MED26: variants seen among roughly 807,000 people sequenced by gnomAD.
MED26 encodes mediator of RNA polymerase II transcription subunit 26.
In MED26, 7 loss-of-function variants were observed where a neutral mutation model predicts 43.7. The observed-to-expected ratio is 0.16, with a 90% CI of 0.09 to 0.30. The LOEUF is 0.30. Among genes scored for constraint, MED26 ranks in the 10% least tolerant of loss-of-function variants. The pLI is 1.00. For missense variants in MED26, 784 were observed against 840.6 expected, an observed-to-expected ratio of 0.93 and a Z score of 0.83; for synonymous variants, 375 against 371.1, an observed-to-expected ratio of 1.01 and a Z score of -0.12.
At chr19:16,585,882 G>A (rs2086068586) in intron 1 of MED26, among the ~76,000 whole-genome samples, 1 of 152,230 alleles carries the variant, frequency 6.6e-6, no homozygotes. Flanking sequence ...TCAGTGGAGT[G>A]GACCCGCTAC....
At chr19:16,591,651 T>C (rs1321658612) in intron 1 of MED26, among the ~76,000 whole-genome samples, 2 of 152,160 alleles carry the variant, frequency 1.3e-5, no homozygotes, top group Non-Finnish European at 2.9e-5. Context: ...AGGAACCAAC[T>C]TCCTACACTC....
Position 16,577,493 on chromosome 19 carries a change from G to C in MED26, c.337C>G (p.Pro113Ala). 6.3e-7 allele frequency: 1 copy of C among 1,591,796 alleles called. No individual in the cohort carries two copies. Among genetic ancestry groups the C allele is most frequent in the Admixed American group, 1.7e-5 (1 of 58,610 alleles). ...SANGGAHNCR[P>A]EVGAAGPPRS... ...GGTGGGCCAGCCGCCCCCACCTCCG[G>C]CCGGCAGTTGTGTGCGCCCCCGTTG... is the stretch of plus-strand genomic sequence containing the variant. The change falls in exon 3 of 3, where the codon CCG (proline) becomes GCG (alanine). Residue 113 changes from proline to alanine, a missense_variant. Around this residue, in one of 3 missense-constraint regions of MED26, gnomAD observed 719 missense variants for 730.9 expected, o/e 0.98. Transcript: ENST00000263390. The surrounding 1 kb of genome is among the most constrained non-coding windows in gnomAD (Gnocchi z 8.1).
intron 1 of MED26, among the ~76,000 whole-genome samples, chr19:16,591,537 T>G (rs1487377587): frequency 6.6e-6 from 1 of 152,090 alleles, no homozygotes; most frequent in East Asian, 1.9e-4. Context: ...TGAAATAAAA[T>G]GCCAAGCAGC....
Position 16,576,929 on chromosome 19 carries a change from AGGGGCTGGGCACGGAGCCCTT to A in MED26, c.880_900del (p.Lys294_Pro300del). ...GCATCGAGTGCCTGGGGCCGCGGTG[AGGGGCTGGGCACGGAGCCCTT>A]GGGTGCATACAAGCTCTGCTGCCGG... On this transcript the variant is annotated inframe_deletion, in exon 3 of 3. Transcript: ENST00000263390. The surrounding 1 kb of genome is among the most constrained non-coding windows in gnomAD (Gnocchi z 6.8). The A allele has an allele frequency of 5.0e-6, 8 of 1,596,256 alleles. No homozygotes were observed. The highest frequency in any genetic ancestry group is 6.0e-6 in the Non-Finnish European group (7 of 1,169,700).
In MED26 at chr19:16,576,476, C is replaced by G. The variant is rs753088690; in HGVS notation, c.1354G>C (p.Glu452Gln). ...PVRADSPVHM[E>Q]QQSRTELDKQ... Reference sequence around the variant, plus strand: ...TCCAGCTCTGTCCTGGACTGCTGCTCCATGTGCACAGGGCTGTCTGCCCGC... The same window carrying G: ...TCCAGCTCTGTCCTGGACTGCTGCTGCATGTGCACAGGGCTGTCTGCCCGC... Residue 452 changes from glutamate (E) to glutamine (Q), a missense_variant, in exon 3 of 3, where the codon GAG becomes CAG. Glu to Gln is a conservative substitution (Grantham distance 29). Coordinates refer to ENST00000263390, the MANE Select transcript of MED26 (RefSeq NM_004831.5). The surrounding 1 kb of genome is among the most constrained non-coding windows in gnomAD (Gnocchi z 6.8). 9.3e-6 allele frequency: 15 copies of G among 1,614,052 alleles called. No individual in the cohort carries two copies. Among genetic ancestry groups the G allele is most frequent in the African/African-American group, 1.3e-5 (1 of 74,926 alleles).
intron 1 of MED26, chr19:16,610,701 C>G (rs762237852): frequency 2.0e-5 from 3 of 152,208 alleles, no homozygotes; most frequent in Non-Finnish European, 2.9e-5. Flanking sequence ...CTTATAATTT[C>G]TATGGTAGAA....
intron 1 of MED26, among the ~76,000 whole-genome samples, chr19:16,602,236 A>T (rs919611579): frequency 6.6e-6 from 1 of 152,228 alleles, no homozygotes; most frequent in Admixed American, 6.5e-5. Flanking sequence ...TGCCGACTGG[A>T]ACACACAGCT....
chr19:16,613,102 AG>A (rs1419820274), intron 1 of MED26, among the ~76,000 whole-genome samples: 25 of 152,334 alleles, frequency 1.6e-4, no homozygotes, highest in African/African-American at 5.5e-4. Context: ...CTCACTTTAT[AG>A]AGAGTATTAA....
chr19:16,620,037 C>T (rs905140713), intron 1 of MED26, among the ~76,000 whole-genome samples: 4 of 152,130 alleles, frequency 2.6e-5, no homozygotes, highest in Non-Finnish European at 4.4e-5. Flanking sequence ...GATCAAGCGC[C>T]GCCTTCTCTA....
At position 16,576,382 on chromosome 19, in the gene MED26, T is replaced by C. The variant is rs1442874987; in HGVS notation, c.1448A>G (p.Asn483Ser). 3.1e-6 allele frequency: 5 copies of C among 1,614,100 alleles called. No homozygotes were observed. Among genetic ancestry groups the C allele is most frequent in the Non-Finnish European group, 4.2e-6 (5 of 1,180,024 alleles). The change falls in exon 3 of 3, where the codon AAC (asparagine) becomes AGC (serine). Residue 483 changes from asparagine to serine, a missense_variant. This residue lies in a region of MED26 where 719 missense variants were observed against 730.9 expected (regional missense o/e 0.98). Coordinates refer to ENST00000263390, the MANE Select transcript of MED26 (RefSeq NM_004831.5). The surrounding 1 kb of genome is among the most constrained non-coding windows in gnomAD (Gnocchi z 6.8). ...GCTCAGGTAGGACTGGATGATCTCG[T>C]TGCGTGACAGCTCCTTCCAGTTCGT... ...EQTNWKELSR[N>S]EIIQSYLSRQ...
At chr19:16,591,278 AAGG>A (rs1489432412) in intron 1 of MED26, among the ~76,000 whole-genome samples, 4 of 151,998 alleles carry the variant, frequency 2.6e-5, no homozygotes, top group East Asian at 1.9e-4. Flanking sequence ...TCCTCAGTAG[AAGG>A]AGAATGACTG....
At chr19:16,602,730 G>A (rs1014774871) in intron 1 of MED26, among the ~76,000 whole-genome samples, 1 of 152,166 alleles carries the variant, frequency 6.6e-6, no homozygotes, top group South Asian at 2.1e-4. Context: ...TTATGCTGAG[G>A]GAAAGAAGCC....
chr19:16,598,525 T>C (rs2086133289), intron 1 of MED26, among the ~76,000 whole-genome samples: 1 of 151,998 alleles, frequency 6.6e-6, no homozygotes, highest in Non-Finnish European at 1.5e-5. Flanking sequence ...CCAGCAGCAC[T>C]TGCTGGTGGC....
At chr19:16,602,021 G>A (rs777769150) in intron 1 of MED26, among the ~76,000 whole-genome samples, 10 of 152,200 alleles carry the variant, frequency 6.6e-5, no homozygotes, top group South Asian at 2.1e-4. Flanking sequence ...CCCACCACTC[G>A]GCTGTGTGCC....
chr19:16,582,285 C>T (rs1016711047), intron 1 of MED26, among the ~76,000 whole-genome samples: 1 of 150,686 alleles, frequency 6.6e-6, no homozygotes, highest in Non-Finnish European at 1.5e-5. Flanking sequence ...GTGTGGGGAG[C>T]ACCACCTGGG....
At chr19:16,596,482 G>C (rs530751947) in intron 1 of MED26, among the ~76,000 whole-genome samples, 3 of 152,198 alleles carry the variant, frequency 2.0e-5, no homozygotes, top group Non-Finnish European at 4.4e-5. Context: ...CTCAGCCATC[G>C]AGTGCATACG....
chr19:16,626,181 G>A (rs1401614710), intron 1 of MED26, among the ~76,000 whole-genome samples: 1 of 152,144 alleles, frequency 6.6e-6, no homozygotes, highest in African/African-American at 2.4e-5. Flanking sequence ...TGATCCCAAA[G>A]CTCTCTGAGG....
At chr19:16,592,104 GC>G (rs1373069979) in intron 1 of MED26, among the ~76,000 whole-genome samples, 1 of 152,196 alleles carries the variant, frequency 6.6e-6, no homozygotes. Context: ...GGCACCATGT[GC>G]CCAGCTGCAG....
chr19:16,594,616 G>A (rs943918661), intron 1 of MED26, among the ~76,000 whole-genome samples: 1 of 152,170 alleles, frequency 6.6e-6, no homozygotes, highest in African/African-American at 2.4e-5. Flanking sequence ...TGGACATGGA[G>A]AAGGTTCATT....
Sources: allele counts gnomAD v4.1 joint callset (sites outside exome capture counted in the v4.1 genomes callset), GRCh38; gene constraint gnomAD v4.1.1; regional missense constraint gnomAD v4.1.1; non-coding constraint Gnocchi (gnomAD v3.1); transcripts MANE v1.5; gene names NCBI Gene and HGNC (gene_info 2026-07-23, HGNC 2026-07-21).